Variants in CAAP1 observed in about 807,000 individuals in gnomAD.
The protein encoded by CAAP1 is conserved anti-apoptotic protein.
A neutral mutation model predicts 34.0 loss-of-function variants in CAAP1; 20 were observed. The ratio of observed to expected loss-of-function variants is 0.59; its 90% CI spans 0.41 to 0.86. The LOEUF (loss-of-function observed/expected upper bound fraction) is 0.86. CAAP1 is among the 40% of genes least tolerant of loss of function. The pLI, the probability that CAAP1 is intolerant of heterozygous loss-of-function variation, is 0.00. For synonymous variants in CAAP1, 213 were observed against 166.7 expected (o/e 1.28, Z -2.14); for missense variants, 538 against 450.5 (o/e 1.19, Z -1.76).
intron 4 of CAAP1, among the ~76,000 whole-genome samples, chr9:26,873,209 T>C (rs186771780): frequency 4.1e-4 from 62 of 152,318 alleles, no homozygotes; most frequent in African/African-American, 1.5e-3. Flanking sequence ...GCCAATGCAC[T>C]CCAGCCAGGG....
intron 4 of CAAP1, among the ~76,000 whole-genome samples, chr9:26,864,722 C>T (rs1044694095): frequency 7.9e-5 from 12 of 152,168 alleles, no homozygotes; most frequent in Admixed American, 2.0e-4. Context: ...TTTGCTCTAT[C>T]CCCATATTAC....
At chr9:26,866,333 G>C (rs527918456) in intron 4 of CAAP1, among the ~76,000 whole-genome samples, 1 of 152,276 alleles carries the variant, frequency 6.6e-6, no homozygotes, top group African/African-American at 2.4e-5. Context: ...AGAATAGTTT[G>C]CACAATATGC....
At chr9:26,848,240 C>A (rs1373974518) in intron 5 of CAAP1, among the ~76,000 whole-genome samples, 1 of 152,108 alleles carries the variant, frequency 6.6e-6, no homozygotes, top group Non-Finnish European at 1.5e-5. Context: ...TGTGGCCAGG[C>A]GTGGTGGTTC....
At chr9:26,865,295 T>C (rs1009854040) in intron 4 of CAAP1, among the ~76,000 whole-genome samples, 1 of 152,028 alleles carries the variant, frequency 6.6e-6, no homozygotes, top group African/African-American at 2.4e-5. Flanking sequence ...GAGGCCAAGG[T>C]AGGCAGATCA....
At chr9:26,856,297 TATTA>T (rs1240028905) in intron 5 of CAAP1, among the ~76,000 whole-genome samples, 1 of 152,228 alleles carries the variant, frequency 6.6e-6, no homozygotes, top group East Asian at 1.9e-4. Flanking sequence ...CATTTAATTA[TATTA>T]TTTATTTTAA....
intron 5 of CAAP1, among the ~76,000 whole-genome samples, chr9:26,859,888 A>G (rs1250162791): frequency 6.6e-6 from 1 of 152,200 alleles, no homozygotes. Context: ...GAAAATCTAG[A>G]TTTTGCTCTC....
rs552913166 is a variant in CAAP1 at position 26,846,782 on chromosome 9, G to A, written c.740-4135C>T. Among the ~76,000 whole-genome samples, 102 of 152,084 alleles carry A rather than the reference G, an allele frequency of 6.7e-4. 1 individual carries two copies. The highest frequency in any genetic ancestry group is 2.3e-3 in the African/African-American group (96 of 41,488). ...AGCTCACCACAACCTCCACCTCCCA[G>A]GTTCAAGCAATTCTCCTGCCTCAGC... On this transcript the variant is annotated intron_variant, in intron 5 of 5. Transcript: ENST00000333916.
At chr9:26,861,940 TG>T (rs933634380) in intron 4 of CAAP1, among the ~76,000 whole-genome samples, 2 of 152,222 alleles carry the variant, frequency 1.3e-5, no homozygotes, top group African/African-American at 4.8e-5. Context: ...AAAAAAGACT[TG>T]TGATCATTTC....
At chr9:26,857,081 C>T (rs974404173) in intron 5 of CAAP1, among the ~76,000 whole-genome samples, 2 of 151,692 alleles carry the variant, frequency 1.3e-5, no homozygotes, top group Admixed American at 1.3e-4. Context: ...AATGAAATAC[C>T]TTCAACAGTT....
chr9:26,851,937 T>G lies in CAAP1; in HGVS notation c.739+9129A>C, dbSNP rs114943659. 3.4e-3 allele frequency among the ~76,000 whole-genome samples: 521 copies of G among 152,322 alleles called. 4 individuals carry two copies. Among genetic ancestry groups the G allele is most frequent in the African/African-American group, 0.012 (508 of 41,570 alleles). ...GTGCTCAAACTCATTATCTACTTCA[T>G]AAACTACCATGTTTCCTGTGGCACT... On this transcript the variant is annotated intron_variant, in intron 5 of 5. Transcript: ENST00000333916.
chr9:26,852,314 G>T (rs1283557097), intron 5 of CAAP1, among the ~76,000 whole-genome samples: 2 of 152,090 alleles, frequency 1.3e-5, no homozygotes, highest in Non-Finnish European at 2.9e-5. Context: ...AATTAGCTGG[G>T]CGTGGTGGTG....
At chr9:26,890,344 C>G (rs1226209542) in intron 1 of CAAP1, among the ~76,000 whole-genome samples, 1 of 150,906 alleles carries the variant, frequency 6.6e-6, no homozygotes, top group Non-Finnish European at 1.5e-5. Context: ...GCACTCCAGC[C>G]TGGGCGACAC....
At chr9:26,872,302 T>C (rs1407307635) in intron 4 of CAAP1, among the ~76,000 whole-genome samples, 3 of 152,156 alleles carry the variant, frequency 2.0e-5, no homozygotes, top group South Asian at 2.1e-4. Flanking sequence ...AACTCCTGTT[T>C]TGAAGGGTGG....
chr9:26,852,723 A>G (rs1225334978), intron 5 of CAAP1, among the ~76,000 whole-genome samples: 1 of 152,184 alleles, frequency 6.6e-6, no homozygotes, highest in African/African-American at 2.4e-5. Flanking sequence ...GGTGACTTCT[A>G]TAAGACTACA....
chr9:26,877,635 T>C (rs1444123169), intron 4 of CAAP1, among the ~76,000 whole-genome samples: 1 of 152,174 alleles, frequency 6.6e-6, no homozygotes, highest in Non-Finnish European at 1.5e-5. Context: ...GTGTTGTGGA[T>C]GAAAAATCTG....
chr9:26,858,946 C>T (rs908502327), intron 5 of CAAP1, among the ~76,000 whole-genome samples: 1 of 139,672 alleles, frequency 7.2e-6, no homozygotes, highest in African/African-American at 2.7e-5. Context: ...GGCAGTGAGC[C>T]GATATTGCGC....
At chr9:26,869,872 A>C (rs1441578869) in intron 4 of CAAP1, 1 of 704,346 alleles carries the variant, frequency 1.4e-6, no homozygotes, top group Non-Finnish European at 1.7e-6. Flanking sequence ...GATTAAGAGA[A>C]ACTTCAATTT....
At chr9:26,845,490 G>C (rs891841606) in intron 5 of CAAP1, among the ~76,000 whole-genome samples, 1 of 152,018 alleles carries the variant, frequency 6.6e-6, no homozygotes, top group Non-Finnish European at 1.5e-5. Flanking sequence ...ATTCTCCTGC[G>C]TCAGCCTTCT....
intron 5 of CAAP1, among the ~76,000 whole-genome samples, chr9:26,856,378 T>A (rs751717533): frequency 6.6e-6 from 1 of 152,154 alleles, no homozygotes; most frequent in Non-Finnish European, 1.5e-5. Flanking sequence ...TCAAACATAT[T>A]TTCTTTTCTT....
Sources: allele counts gnomAD v4.1 joint callset (sites outside exome capture counted in the v4.1 genomes callset), GRCh38; gene constraint gnomAD v4.1.1; transcripts MANE v1.5; gene names NCBI Gene and HGNC (gene_info 2026-07-23, HGNC 2026-07-21).